Variants in BOD1L1 observed in about 807,000 individuals in gnomAD.
BOD1L1 encodes biorientation of chromosomes in cell division protein 1-like 1.
BOD1L1 carries 86 observed loss-of-function variants against 240.7 expected under a neutral mutation model. The ratio of observed to expected loss-of-function variants is 0.36; its 90% CI spans 0.30 to 0.43. The LOEUF (loss-of-function observed/expected upper bound fraction) is 0.43. BOD1L1 is among the 20% of genes least tolerant of loss of function. The pLI is 1.00. For synonymous variants in BOD1L1, 1,268 were observed against 1,272.3 expected, an observed-to-expected ratio of 1.00 and a Z score of 0.07; for missense variants, 3,554 against 3,643.5, an observed-to-expected ratio of 0.98 and a Z score of 0.63.
intron 11 of BOD1L1, among the ~76,000 whole-genome samples, chr4:13,596,444 T>C (rs1473299468): frequency 1.3e-5 from 2 of 152,186 alleles, no homozygotes; most frequent in African/African-American, 4.8e-5. Context: ...ATTGCTACTA[T>C]TGGGCAAGTT....
chr4:13,588,031 GA>G (rs1252698522), intron 15 of BOD1L1, among the ~76,000 whole-genome samples: 1 of 151,736 alleles, frequency 6.6e-6, no homozygotes, highest in South Asian at 2.1e-4. Context: ...TAAAAATACA[GA>G]AAAAAATTAG....
At chr4:13,582,052 G>A (rs1420166159) in intron 19 of BOD1L1, among the ~76,000 whole-genome samples, 185 bp downstream of exon 19, 1 of 152,112 alleles carries the variant, frequency 6.6e-6, no homozygotes, top group Non-Finnish European at 1.5e-5. Flanking sequence ...CAAAGATGAA[G>A]AGAAAAAAAT....
intron 14 of BOD1L1, 109 bp from the exon 15 acceptor site, chr4:13,588,901 T>C (rs1010261365): frequency 2.3e-5 from 16 of 706,484 alleles, no homozygotes; most frequent in African/African-American, 1.1e-4. Flanking sequence ...AGTAACTTTA[T>C]TGAGTACCAG....
At chr4:13,573,410 T>G (rs997982446) in intron 25 of BOD1L1, among the ~76,000 whole-genome samples, 53 of 141,472 alleles carry the variant, frequency 3.7e-4, no homozygotes, top group Admixed American at 5.1e-4. Context: ...CAGAGTTTGC[T>G]TCTATCTATC....
chr4:13,602,939 C>G lies in BOD1L1; in HGVS notation c.3961G>C (p.Asp1321His). ...EGSTASTSPA[D>H]HSALPNQSLT... ...CTTTGGTTAGGGAGAGCAGAGTGAT[C>G]CGCAGGGGAGGTGCTGGCTGTGCTA... The change falls in exon 10 of 26, where the codon GAT (aspartate) becomes CAT (histidine). Residue 1321 changes from aspartate to histidine, a missense_variant. Asp to His is a moderately conservative substitution (Grantham distance 81). This residue lies in a region of BOD1L1 where 3,393 missense variants were observed against 3,427.1 expected (regional missense o/e 0.99). Transcript: ENST00000040738. 1.9e-6 allele frequency: 3 copies of G among 1,613,978 alleles called. No individual in the cohort carries two copies. The highest frequency in any genetic ancestry group is 2.5e-6 in the Non-Finnish European group (3 of 1,179,894).
rs1164301872 is a variant in BOD1L1 at position 13,599,069 on chromosome 4, C to T, written c.7831G>A (p.Gly2611Ser). 1 of 1,613,990 alleles carries T rather than the reference C, an allele frequency of 6.2e-7. No individual in the cohort carries two copies. The highest frequency in any genetic ancestry group is 8.5e-7 in the Non-Finnish European group (1 of 1,179,896). Residue 2611 changes from glycine to serine, a missense_variant, in exon 10 of 26, where the codon GGC becomes AGC. Coordinates refer to ENST00000040738, the MANE Select transcript of BOD1L1 (RefSeq NM_148894.3). ...QDLTIKNDYS[G>S]KWTDQASAEK... Reference sequence around the variant, plus strand: ...GCAGATGCTTGATCAGTCCATTTGCCACTATAATCATTCTTTATAGTCAAG... The same window carrying T: ...GCAGATGCTTGATCAGTCCATTTGCTACTATAATCATTCTTTATAGTCAAG...
chr4:13,577,797 G>T, intron 22 of BOD1L1, 166 bp from the exon 23 acceptor site: 1 of 459,544 alleles, frequency 2.2e-6, no homozygotes, highest in South Asian at 4.6e-5. Context: ...ACCTAGCAGA[G>T]ATCACATTGG....
At chr4:13,609,555 C>A (rs967050150) in intron 6 of BOD1L1, 149 bp from the exon 7 acceptor site, 2 of 487,030 alleles carry the variant, frequency 4.1e-6, no homozygotes, top group Non-Finnish European at 7.2e-6. Context: ...CATATATATA[C>A]ACACATTTAT....
At chr4:13,607,299 T>C (rs1715787092) in intron 8 of BOD1L1, 110 bp from the exon 9 acceptor site, 1 of 408,698 alleles carries the variant, frequency 2.4e-6, no homozygotes, top group African/African-American at 2.1e-5. Context: ...TTATCTTATT[T>C]TATTATTATT....
chr4:13,583,206 T>TC lies in BOD1L1; in HGVS notation c.8434-471dup, dbSNP rs371054601. Among the ~76,000 whole-genome samples the TC allele has an allele frequency of 2.6e-3, 390 of 152,122 alleles. 4 individuals are homozygous for TC. Among genetic ancestry groups the TC allele is most frequent in the African/African-American group, 9.0e-3 (374 of 41,504 alleles). ...CAGTGATCTTTCAGCAATTAAATTATCCCCCCATAGTGGCAAGAAAGTTCT... is the reference window on the plus strand; with the variant it reads ...CAGTGATCTTTCAGCAATTAAATTATCCCCCCCATAGTGGCAAGAAAGTTCT... On this transcript the variant is annotated intron_variant, in intron 17 of 25. Coordinates refer to ENST00000040738, the MANE Select transcript of BOD1L1 (RefSeq NM_148894.3).
intron 1 of BOD1L1, among the ~76,000 whole-genome samples, chr4:13,627,041 G>T (rs1717447902): frequency 6.6e-6 from 1 of 152,226 alleles, no homozygotes; most frequent in Admixed American, 6.5e-5. Context: ...TCAGATATGA[G>T]AATGAATACA....
At chr4:13,624,929 T>C (rs891994728) in intron 1 of BOD1L1, 10 of 152,218 alleles carry the variant, frequency 6.6e-5, no homozygotes, top group African/African-American at 2.4e-4. Flanking sequence ...AAGGATTCCA[T>C]TAAAGTGATG....
At chr4:13,617,900 A>G (rs1435503643) in intron 2 of BOD1L1, among the ~76,000 whole-genome samples, 1 of 152,190 alleles carries the variant, frequency 6.6e-6, no homozygotes, top group African/African-American at 2.4e-5. Flanking sequence ...CTCTTTAAGG[A>G]AGCTTTAAAA....
At chr4:13,572,097 G>A (rs900975556) in intron 25 of BOD1L1, among the ~76,000 whole-genome samples, 2 of 152,170 alleles carry the variant, frequency 1.3e-5, no homozygotes, top group African/African-American at 4.8e-5. Context: ...TAAATAAAAG[G>A]AATATACCAA....
At chr4:13,577,283 C>G (rs1055426944) in intron 24 of BOD1L1, 120 bp downstream of exon 24, 1 of 842,068 alleles carries the variant, frequency 1.2e-6, no homozygotes, top group African/African-American at 1.7e-5. Context: ...CTATTTCACA[C>G]ATATTTATAT....
intron 17 of BOD1L1, among the ~76,000 whole-genome samples, chr4:13,584,264 G>A (rs941321476): frequency 6.6e-6 from 1 of 152,152 alleles, no homozygotes; most frequent in Non-Finnish European, 1.5e-5. Context: ...TATTTGCTCT[G>A]TTATCAGCAC....
Position 13,602,157 on chromosome 4 carries a change from A to G in BOD1L1, c.4743T>C (p.Ser1581=). 1 of 1,613,964 alleles carries G rather than the reference A, an allele frequency of 6.2e-7. No individual in the cohort carries two copies. Among genetic ancestry groups the G allele is most frequent in the Non-Finnish European group, 8.5e-7 (1 of 1,179,864 alleles). ...NNPLHVGAEA[S]ECTVFAAAEE... is the part of the protein sequence containing the mutation. ...CAGCTGCAGCAAAAACAGTGCATTC[A>G]CTGGCTTCTGCACCAACATGAAGAG... Residue 1581 remains serine (S), a synonymous_variant, in exon 10 of 26, where the codon AGT becomes AGC. Transcript: ENST00000040738.
At chr4:13,577,519 G>A in intron 23 of BOD1L1, 32 bp from the exon 24 acceptor site, 1 of 1,605,406 alleles carries the variant, frequency 6.2e-7, no homozygotes, top group Non-Finnish European at 8.5e-7. Flanking sequence ...TCAAAAGGGT[G>A]GTCAGCTGAG....
intron 12 of BOD1L1, 125 bp from the exon 13 acceptor site, chr4:13,592,091 A>C (rs1448194706): frequency 9.6e-6 from 6 of 625,304 alleles, no homozygotes; most frequent in Non-Finnish European, 1.7e-5. Context: ...AGCTGCTTTC[A>C]TAAATTATAA....
Sources: gnomAD v4.1 joint callset for allele counts (sites outside exome capture counted in the v4.1 genomes callset) on GRCh38, gnomAD v4.1.1 for gene constraint, gnomAD v4.1.1 regional missense constraint, MANE v1.5 for transcripts, NCBI Gene and HGNC (gene_info 2026-07-23, HGNC 2026-07-21) for gene names.